Variants in SLC35F2 observed in about 807,000 individuals in gnomAD.
The protein encoded by SLC35F2 is queuine/queuosine transporter SLC35F2.
Under a neutral mutation model 38.1 loss-of-function variants are expected in SLC35F2, and 25 were observed. The observed-to-expected ratio is 0.66, with a 90% CI of 0.48 to 0.92. The LOEUF (loss-of-function observed/expected upper bound fraction) is 0.92, where lower values mean the gene tolerates loss of function less well. Among genes scored for constraint, SLC35F2 ranks in the 40% least tolerant of loss-of-function variants. The pLI, the probability that SLC35F2 is intolerant of heterozygous loss-of-function variation, is 0.00. For missense variants in SLC35F2, 409 were observed against 452.9 expected, an observed-to-expected ratio of 0.90 and a Z score of 0.88; for synonymous variants, 173 against 181.7, an observed-to-expected ratio of 0.95 and a Z score of 0.38.
intron 1 of SLC35F2, among the ~76,000 whole-genome samples, chr11:107,847,797 C>T (rs894373902): frequency 1.3e-5 from 2 of 152,060 alleles, no homozygotes; most frequent in Non-Finnish European, 2.9e-5. Context: ...GGTGCAAAGG[C>T]GCAGGTATGG....
chr11:107,841,344 C>A (rs1000226038), intron 1 of SLC35F2, among the ~76,000 whole-genome samples: 4 of 152,030 alleles, frequency 2.6e-5, no homozygotes, highest in Non-Finnish European at 4.4e-5. Context: ...AGGTGGATCA[C>A]CTGAGGTCAG....
intron 1 of SLC35F2, among the ~76,000 whole-genome samples, chr11:107,817,331 A>G (rs988978636): frequency 4.6e-5 from 7 of 152,136 alleles, no homozygotes; most frequent in African/African-American, 1.7e-4. Context: ...TGGACGGGAA[A>G]GACTCATTAG....
intron 7 of SLC35F2, among the ~76,000 whole-genome samples, chr11:107,801,631 G>GA (rs34097885): frequency 0.15 from 21,536 of 144,402 alleles, 2,457 homozygotes; most frequent in East Asian, 0.41. Context: ...CTGGATCTAA[G>GA]AAAAAAAAAA....
chr11:107,792,865 C>A, intron 7 of SLC35F2, 65 bp from the exon 8 acceptor site: 1 of 1,449,380 alleles, frequency 6.9e-7, no homozygotes, highest in South Asian at 1.6e-5. Context: ...CTGGCTTTTG[C>A]CAACTGTGCT....
At chr11:107,836,409 A>C (rs12274464) in intron 1 of SLC35F2, among the ~76,000 whole-genome samples, 3,558 of 152,090 alleles carry the variant, frequency 0.023, 137 homozygotes, top group African/African-American at 0.081. Context: ...CTGGTCCTCC[A>C]AAAGTGTCCA....
Position 107,807,167 on chromosome 11 carries a change from G to A in SLC35F2, c.415-291C>T, listed in dbSNP as rs142870494. ...AATGGGATGACAGCTGGGCACGGTG[G>A]CTCACGCCTGTAATCTTAGCACTTT... On this transcript the variant is annotated intron_variant, in intron 3 of 7. Coordinates refer to ENST00000525815, the MANE Select transcript of SLC35F2 (RefSeq NM_017515.5). Among the ~76,000 whole-genome samples, 603 of 150,374 alleles carry A rather than the reference G, an allele frequency of 4.0e-3. 3 individuals carry two copies. The highest frequency in any genetic ancestry group is 0.014 in the African/African-American group (581 of 40,952).
intron 1 of SLC35F2, 140 bp from the exon 2 acceptor site, chr11:107,816,105 G>T: frequency 1.5e-6 from 2 of 1,327,760 alleles, no homozygotes; most frequent in East Asian, 2.9e-5. Flanking sequence ...TTCATTTCAT[G>T]AAATAAAAAT....
chr11:107,808,270 A>T (rs532725064), intron 3 of SLC35F2, among the ~76,000 whole-genome samples: 5 of 152,244 alleles, frequency 3.3e-5, no homozygotes, highest in African/African-American at 9.6e-5. Context: ...CACTAGCTAT[A>T]CACCTGATAT....
At chr11:107,857,566 A>T (rs969087293) in intron 1 of SLC35F2, among the ~76,000 whole-genome samples, 1 of 152,182 alleles carries the variant, frequency 6.6e-6, no homozygotes, top group South Asian at 2.1e-4. Flanking sequence ...CCCTTTAAAC[A>T]CATGCATCAA....
At chr11:107,802,242 A>AAAAAAAATAAATAAAT (rs559048077) in intron 7 of SLC35F2, among the ~76,000 whole-genome samples, 1 of 147,982 alleles carries the variant, frequency 6.8e-6, no homozygotes, top group African/African-American at 2.6e-5. Context: ...CATCTCAAAA[A>AAAAAAAATAAATAAAT]AAATAAATAA....
chr11:107,842,285 A>AAAAAAAAAAAAC (rs1860025061), intron 1 of SLC35F2, among the ~76,000 whole-genome samples: 1 of 144,088 alleles, frequency 6.9e-6, no homozygotes. Flanking sequence ...AAAAAAAAAA[A>AAAAAAAAAAAAC]TTAAAGCTTG....
chr11:107,856,552 C>A (rs750030780), intron 1 of SLC35F2, among the ~76,000 whole-genome samples: 2 of 152,138 alleles, frequency 1.3e-5, no homozygotes, highest in Non-Finnish European at 2.9e-5. Flanking sequence ...AAAAAATTAG[C>A]CTGGCGTGGT....
intron 2 of SLC35F2, among the ~76,000 whole-genome samples, chr11:107,813,940 C>T (rs562261195): frequency 6.6e-6 from 1 of 152,258 alleles, no homozygotes; most frequent in African/African-American, 2.4e-5. Flanking sequence ...GCTGGGGTTA[C>T]AGGTGTGAGC....
At chr11:107,819,390 G>A (rs959023840) in intron 1 of SLC35F2, among the ~76,000 whole-genome samples, 3 of 152,264 alleles carry the variant, frequency 2.0e-5, no homozygotes, top group Middle Eastern at 3.4e-3. Context: ...TTAGGTTACT[G>A]GAGGAAATTT....
intron 1 of SLC35F2, among the ~76,000 whole-genome samples, chr11:107,823,402 T>G (rs920443610): frequency 2.6e-5 from 4 of 152,202 alleles, no homozygotes; most frequent in African/African-American, 4.8e-5. Flanking sequence ...ATATTAGTGC[T>G]AAGACTCCTA....
chr11:107,811,063 T>C (rs1458104586), intron 3 of SLC35F2: 12 of 984,856 alleles, frequency 1.2e-5, no homozygotes, highest in African/African-American at 3.5e-5. Flanking sequence ...TAGTCAGTAA[T>C]GGTGAGTCAG....
intron 7 of SLC35F2, 29 bp downstream of exon 7, chr11:107,802,972 T>G: frequency 6.4e-7 from 1 of 1,571,668 alleles, no homozygotes; most frequent in Non-Finnish European, 8.6e-7. Context: ...AAGCAAGTAT[T>G]CTTATTTGAA....
intron 1 of SLC35F2, among the ~76,000 whole-genome samples, chr11:107,846,895 A>G (rs1010610987): frequency 1.3e-5 from 2 of 148,366 alleles, no homozygotes; most frequent in African/African-American, 5.0e-5. Context: ...ATGCCACTGC[A>G]CTCCAGCCTG....
Position 107,803,169 on chromosome 11 carries a change from CAT to C in SLC35F2, c.785-16_785-15del. ...CGAACAGCAGGGCTGTGGAAAAAAA[CAT>C]GGAATATCTAATATTAGGGCAAGAA... On this transcript the variant is annotated splice_polypyrimidine_tract_variant and intron_variant, in intron 6 of 7. Coordinates refer to ENST00000525815, the MANE Select transcript of SLC35F2 (RefSeq NM_017515.5). The C allele has an allele frequency of 1.9e-6, 3 of 1,589,632 alleles. No individual in the cohort carries two copies. The highest frequency in any genetic ancestry group is 2.6e-6 in the Non-Finnish European group (3 of 1,171,502).
Sources: allele counts gnomAD v4.1 joint callset (sites outside exome capture counted in the v4.1 genomes callset), GRCh38; gene constraint gnomAD v4.1.1; transcripts MANE v1.5; gene names NCBI Gene and HGNC (gene_info 2026-07-23, HGNC 2026-07-21).